TUSC3: variants seen among roughly 807,000 people sequenced by gnomAD.
TUSC3 encodes dolichyl-diphosphooligosaccharide--protein glycosyltransferase subunit TUSC3.
Under a neutral mutation model 44.8 loss-of-function variants are expected in TUSC3, and 45 were observed. The observed-to-expected ratio is 1.00, with a 90% CI of 0.79 to 1.29. The LOEUF (loss-of-function observed/expected upper bound fraction) is 1.29. Among genes scored for constraint, TUSC3 ranks in the 50% most tolerant of loss-of-function variants. TUSC3 has a pLI of 0.00. For synonymous variants in TUSC3, 212 were observed against 152.9 expected (o/e 1.39, Z -2.85); for missense variants, 519 against 437.9 (o/e 1.19, Z -1.65).
the TUSC3 span, among the ~76,000 whole-genome samples, chr8:15,829,183 T>TC: frequency 6.6e-6 from 1 of 152,130 alleles, no homozygotes; most frequent in Non-Finnish European, 1.5e-5. Flanking sequence ...TTTAACCAGT[T>TC]CCCCATTAAA....
At chr8:15,464,409 C>A (rs1393735739) in intron 1 of TUSC3, among the ~76,000 whole-genome samples, 10 of 152,166 alleles carry the variant, frequency 6.6e-5, no homozygotes, top group Non-Finnish European at 1.5e-5. Flanking sequence ...ACAAATATTT[C>A]TTGGATCCCT....
chr8:15,471,211 T>G (rs1800489376), intron 1 of TUSC3, among the ~76,000 whole-genome samples: 1 of 152,208 alleles, frequency 6.6e-6, no homozygotes. Context: ...TTCCTTTGAT[T>G]TATCTTTCTT....
At chr8:15,839,642 G>C in the TUSC3 span, among the ~76,000 whole-genome samples, 2 of 152,134 alleles carry the variant, frequency 1.3e-5, no homozygotes, top group African/African-American at 2.4e-5. Flanking sequence ...ATCATCACTG[G>C]CCATCAGAGA....
At chr8:15,643,479 G>T (rs1456149882) in intron 2 of TUSC3, among the ~76,000 whole-genome samples, 1 of 150,602 alleles carries the variant, frequency 6.6e-6, no homozygotes, top group Non-Finnish European at 1.5e-5. Context: ...TCTGCGTATT[G>T]TATACACTTC....
chr8:15,592,003 G>T (rs2129150682), intron 1 of TUSC3, among the ~76,000 whole-genome samples: 1 of 152,276 alleles, frequency 6.6e-6, no homozygotes, highest in South Asian at 2.1e-4. Context: ...GGCAGCTATA[G>T]TAGTCTAGGT....
chr8:15,698,428 G>A (rs552665229), intron 6 of TUSC3, among the ~76,000 whole-genome samples: 1 of 152,088 alleles, frequency 6.6e-6, no homozygotes, highest in South Asian at 2.1e-4. Flanking sequence ...TTGATTTTCA[G>A]TTTATATACT....
At chr8:15,719,647 GAATA>G (rs1038617662) in intron 6 of TUSC3, among the ~76,000 whole-genome samples, 124 of 151,946 alleles carry the variant, frequency 8.2e-4, no homozygotes, top group African/African-American at 2.9e-3. Flanking sequence ...AATATTTGTA[GAATA>G]AATAAACTAA....
At chr8:15,468,341 C>G (rs1390057042) in intron 1 of TUSC3, among the ~76,000 whole-genome samples, 4 of 152,196 alleles carry the variant, frequency 2.6e-5, no homozygotes, top group African/African-American at 9.6e-5. Context: ...GTTCATTTCA[C>G]TACTCCAGTC....
upstream of TUSC3, among the ~76,000 whole-genome samples, chr8:15,536,064 TCTC>T (rs1215738028): frequency 3.3e-5 from 5 of 152,278 alleles, no homozygotes; most frequent in East Asian, 5.8e-4. Flanking sequence ...CCACAACACT[TCTC>T]CTTCCAGTGT....
intron 2 of TUSC3, among the ~76,000 whole-genome samples, chr8:15,522,447 G>T (rs1366336430): frequency 6.6e-6 from 1 of 151,878 alleles, no homozygotes; most frequent in East Asian, 1.9e-4. Flanking sequence ...TGGCCAGGTT[G>T]GTCTTGAACT....
At chr8:15,621,653 C>G (rs1332895641) in intron 1 of TUSC3, among the ~76,000 whole-genome samples, 6 of 147,322 alleles carry the variant, frequency 4.1e-5, no homozygotes, top group African/African-American at 1.5e-4. Context: ...ATAGATAAAT[C>G]TATAGCTATA....
rs771541606 is a variant in TUSC3, at chr8:15,650,689, C to G, written c.309-8C>G. The G allele has an allele frequency of 6.2e-7, 1 of 1,612,138 alleles. No individual in the cohort carries two copies. On this transcript the variant is annotated splice_region_variant and splice_polypyrimidine_tract_variant and intron_variant, in intron 2 of 10. Coordinates refer to ENST00000503731, the MANE Select transcript of TUSC3 (RefSeq NM_006765.4). ...TGTGTTTCTACTATGGCCCATTATTCTTATCAGGCAAGCTAATGAAGAATA... is the reference window on the plus strand; with the variant it reads ...TGTGTTTCTACTATGGCCCATTATTGTTATCAGGCAAGCTAATGAAGAATA...
intron 1 of TUSC3, among the ~76,000 whole-genome samples, chr8:15,611,270 C>G (rs923999775): frequency 3.9e-5 from 6 of 152,042 alleles, no homozygotes; most frequent in Non-Finnish European, 8.8e-5. Context: ...CACTGCAAAT[C>G]CCGCCTCCCA....
chr8:15,553,239 G>A (rs977631928), intron 1 of TUSC3, among the ~76,000 whole-genome samples: 2 of 151,600 alleles, frequency 1.3e-5, no homozygotes, highest in African/African-American at 2.4e-5. Context: ...AAAATCATTC[G>A]CCTAAATGGG....
intron 2 of TUSC3, among the ~76,000 whole-genome samples, chr8:15,640,246 A>T (rs1806305123): frequency 6.6e-6 from 1 of 152,182 alleles, no homozygotes; most frequent in Non-Finnish European, 1.5e-5. Context: ...TGGTAGAAAC[A>T]CTTTACACGT....
the TUSC3 span, among the ~76,000 whole-genome samples, chr8:15,816,256 G>A: frequency 6.6e-6 from 1 of 152,136 alleles, no homozygotes; most frequent in African/African-American, 2.4e-5. Flanking sequence ...CTGGAGATGG[G>A]TTTGCAGAGG....
chr8:15,451,936 T>C (rs1177243825), intron 1 of TUSC3, among the ~76,000 whole-genome samples: 1 of 152,150 alleles, frequency 6.6e-6, no homozygotes, highest in African/African-American at 2.4e-5. Context: ...TTTTTTGCTA[T>C]ACAGTAGCAT....
At chr8:15,769,499 C>G (rs1812403963), downstream of TUSC3, among the ~76,000 whole-genome samples, 3 of 152,130 alleles carry the variant, frequency 2.0e-5, no homozygotes, top group Non-Finnish European at 4.4e-5. Context: ...TAGGCAATAC[C>G]ATTCAGGACA....
At chr8:15,462,628 G>T (rs778584624) in intron 1 of TUSC3, among the ~76,000 whole-genome samples, 6 of 152,114 alleles carry the variant, frequency 3.9e-5, no homozygotes, top group Non-Finnish European at 7.4e-5. Flanking sequence ...AACCAAGATG[G>T]TAGATCTTGT....
Sources: allele counts gnomAD v4.1 joint callset (sites outside exome capture counted in the v4.1 genomes callset), GRCh38; gene constraint gnomAD v4.1.1; transcripts MANE v1.5; gene names NCBI Gene and HGNC (gene_info 2026-07-23, HGNC 2026-07-21).